ROBO1: variants seen among roughly 807,000 people sequenced by gnomAD.
ROBO1 encodes the protein roundabout homolog 1.
Under a neutral mutation model 195.9 loss-of-function variants are expected in ROBO1, and 149 were observed. The ratio of observed to expected loss-of-function variants is 0.76; its 90% CI spans 0.67 to 0.87. The LOEUF (loss-of-function observed/expected upper bound fraction) is 0.87. Ranked by LOEUF, ROBO1 falls within the 40% of genes least tolerant of loss-of-function variation. ROBO1 has a pLI of 0.00. For synonymous variants in ROBO1, 816 were observed against 733.2 expected, an observed-to-expected ratio of 1.11 and a Z score of -1.82; for missense variants, 1,933 against 2,068.3, an observed-to-expected ratio of 0.93 and a Z score of 1.27.
At chr3:79,194,712 C>T (rs1175892712) in intron 2 of ROBO1, among the ~76,000 whole-genome samples, 1 of 151,638 alleles carries the variant, frequency 6.6e-6, no homozygotes, top group African/African-American at 2.4e-5. Context: ...TTCACTTACT[C>T]TTTTATTGTA....
intron 5 of ROBO1, among the ~76,000 whole-genome samples, chr3:78,719,342 T>C (rs74728298): frequency 1.3e-5 from 2 of 152,288 alleles, no homozygotes; most frequent in South Asian, 4.1e-4. Flanking sequence ...AATTGTTTTA[T>C]TTTTTCATAC....
At chr3:78,680,574 A>G (rs1363716551) in intron 10 of ROBO1, among the ~76,000 whole-genome samples, 42 of 152,112 alleles carry the variant, frequency 2.8e-4, no homozygotes, top group African/African-American at 9.9e-4. Flanking sequence ...CAAACAACAC[A>G]TGAAAAAATG....
intron 25 of ROBO1, among the ~76,000 whole-genome samples, chr3:78,629,615 G>C (rs552735252): frequency 1.3e-5 from 2 of 152,044 alleles, no homozygotes; most frequent in African/African-American, 2.4e-5. Flanking sequence ...AGGATCACTC[G>C]AGCTCTGGGG....
At chr3:79,033,860 C>T (rs1015308525) in intron 3 of ROBO1, among the ~76,000 whole-genome samples, 13 of 152,076 alleles carry the variant, frequency 8.5e-5, no homozygotes, top group African/African-American at 2.2e-4. Flanking sequence ...TTGTAAAACT[C>T]GAGCCATGGT....
At chr3:79,749,688 C>T (rs1704044079) in intron 1 of ROBO1, among the ~76,000 whole-genome samples, 1 of 152,210 alleles carries the variant, frequency 6.6e-6, no homozygotes, top group Non-Finnish European at 1.5e-5. Flanking sequence ...GTGCAAGCCC[C>T]AAGCCTTAGC....
chr3:79,289,990 C>T (rs1329676106), intron 2 of ROBO1, among the ~76,000 whole-genome samples: 1 of 151,992 alleles, frequency 6.6e-6, no homozygotes, highest in Admixed American at 6.6e-5. Context: ...CCTTGAAATC[C>T]TAATGGAATA....
chr3:79,419,197 G>C (rs372991019), intron 2 of ROBO1, among the ~76,000 whole-genome samples: 7 of 152,258 alleles, frequency 4.6e-5, no homozygotes, highest in African/African-American at 1.7e-4. Flanking sequence ...GAGAGAGAGG[G>C]AGAAACCAGC....
At chr3:79,174,080 T>C (rs1401593929) in intron 2 of ROBO1, among the ~76,000 whole-genome samples, 1 of 152,052 alleles carries the variant, frequency 6.6e-6, no homozygotes, top group Non-Finnish European at 1.5e-5. Flanking sequence ...TGGTGCCAGA[T>C]AAGAGAATAA....
intron 1 of ROBO1, among the ~76,000 whole-genome samples, chr3:79,757,505 C>A (rs75134032): frequency 0.3 from 42,613 of 143,014 alleles, 6,633 homozygotes; most frequent in East Asian, 0.36. Context: ...CTCTCTCTCT[C>A]TCTCCATATA....
At chr3:78,944,121 T>A (rs1468048394) in intron 3 of ROBO1, among the ~76,000 whole-genome samples, 2 of 152,216 alleles carry the variant, frequency 1.3e-5, no homozygotes, top group African/African-American at 4.8e-5. Flanking sequence ...TGTGTCCATA[T>A]GGGGGAACTG....
At chr3:79,115,220 C>T (rs553494589) in intron 3 of ROBO1, among the ~76,000 whole-genome samples, 5 of 152,128 alleles carry the variant, frequency 3.3e-5, no homozygotes, top group African/African-American at 1.2e-4. Flanking sequence ...CGGCAAAGCT[C>T]AAGTAGTTAC....
At chr3:79,683,838 T>A (rs1475976191) in intron 1 of ROBO1, among the ~76,000 whole-genome samples, 2 of 152,146 alleles carry the variant, frequency 1.3e-5, no homozygotes, top group Admixed American at 6.6e-5. Context: ...ATACTGTGTA[T>A]CTATTCATAA....
intron 3 of ROBO1, among the ~76,000 whole-genome samples, chr3:78,996,159 G>A (rs1173432476): frequency 5.3e-5 from 8 of 151,808 alleles, no homozygotes; most frequent in Admixed American, 3.3e-4. Context: ...TCCACCAACT[G>A]GTATATAAGG....
intron 2 of ROBO1, among the ~76,000 whole-genome samples, chr3:79,518,532 G>A (rs1380948694): frequency 2.0e-5 from 3 of 152,062 alleles, no homozygotes; most frequent in Admixed American, 6.6e-5. Context: ...AGAATTGTCC[G>A]TGAAACAACA....
intron 2 of ROBO1, among the ~76,000 whole-genome samples, chr3:79,518,848 T>A (rs1451090715): frequency 1.4e-5 from 2 of 145,274 alleles, no homozygotes; most frequent in African/African-American, 2.7e-5. Context: ...ATTCTGTATT[T>A]TTTTTTTTTT....
At chr3:78,779,435 A>C (rs1209483890) in intron 4 of ROBO1, among the ~76,000 whole-genome samples, 1 of 152,208 alleles carries the variant, frequency 6.6e-6, no homozygotes, top group African/African-American at 2.4e-5. Flanking sequence ...CCCCATCAAA[A>C]AGTGGGCAAA....
Position 78,661,700 on chromosome 3 carries a change from TA to T in ROBO1, c.2088+292del, listed in dbSNP as rs2107670147. On this transcript the variant is annotated intron_variant, in intron 15 of 30. Coordinates refer to ENST00000464233, the MANE Select transcript of ROBO1 (RefSeq NM_002941.4). ...TACTACTTGGAAATATTTCTAAGTT[TA>T]AAAGATTCATGTAATAATGATCCTA... 1.3e-5 allele frequency among the ~76,000 whole-genome samples: 2 copies of T among 152,340 alleles called. 1 individual carries two copies. The highest frequency in any genetic ancestry group is 4.8e-5 in the African/African-American group (2 of 41,576).
At chr3:79,301,332 A>T (rs1436627504) in intron 2 of ROBO1, among the ~76,000 whole-genome samples, 1 of 152,164 alleles carries the variant, frequency 6.6e-6, no homozygotes, top group Non-Finnish European at 1.5e-5. Context: ...CCAAGAACCC[A>T]CCAATTCCGC....
chr3:78,802,531 C>T (rs144115426), intron 4 of ROBO1, among the ~76,000 whole-genome samples: 148 of 152,138 alleles, frequency 9.7e-4, no homozygotes, highest in Non-Finnish European at 1.9e-3. Context: ...AAAGGTTGGT[C>T]AGGGCCATTA....
Sources: allele counts gnomAD v4.1 joint callset (sites outside exome capture counted in the v4.1 genomes callset), GRCh38; gene constraint gnomAD v4.1.1; transcripts MANE v1.5; gene names NCBI Gene and HGNC (gene_info 2026-07-23, HGNC 2026-07-21).